The following GRIA2 variants were observed in gnomAD, a reference collection of about 807,000 sequenced individuals.
The protein encoded by GRIA2 is glutamate receptor 2.
A neutral mutation model predicts 97.3 loss-of-function variants in GRIA2; 14 were observed. That is an observed-to-expected ratio of 0.14 (90% CI 0.10 to 0.23). GRIA2 has a LOEUF of 0.23. Among genes scored for constraint, GRIA2 ranks in the 10% least tolerant of loss-of-function variants. The probability of loss-of-function intolerance (pLI) is 1.00; values close to 1 mark genes in which losing one functional copy is unlikely to be tolerated. For synonymous variants in GRIA2, 412 were observed against 387.8 expected, an observed-to-expected ratio of 1.06 and a Z score of -0.73; for missense variants, 558 against 1,069.8, an observed-to-expected ratio of 0.52 and a Z score of 6.67.
chr4:157,234,443 G>T (rs955049836), intron 2 of GRIA2, among the ~76,000 whole-genome samples: 2 of 151,928 alleles, frequency 1.3e-5, no homozygotes, highest in Non-Finnish European at 2.9e-5. Context: ...CAAGAATTTT[G>T]ATGTGTTCTT....
intron 2 of GRIA2, among the ~76,000 whole-genome samples, chr4:157,285,699 T>G (rs1732809676): frequency 6.6e-6 from 1 of 151,516 alleles, no homozygotes. Flanking sequence ...TATATGTGGA[T>G]TGGCTTCTAC....
chr4:157,362,195 C>T (rs2127003068), intron 14 of GRIA2, among the ~76,000 whole-genome samples: 1 of 152,204 alleles, frequency 6.6e-6, no homozygotes, highest in Admixed American at 6.5e-5. Flanking sequence ...CACTGCAATT[C>T]TAAACATGTC....
chr4:157,355,544 A>G (rs974822218), intron 12 of GRIA2, among the ~76,000 whole-genome samples: 2 of 143,740 alleles, frequency 1.4e-5, no homozygotes, highest in African/African-American at 2.6e-5. Context: ...AAAAAAATAC[A>G]CAGTCTTCCT....
chr4:157,317,549 A>G, intron 4 of GRIA2, 109 bp from the exon 5 acceptor site: 1 of 477,210 alleles, frequency 2.1e-6, no homozygotes, highest in South Asian at 4.0e-5. Flanking sequence ...ACATCAACAA[A>G]CCTAGCAGAT....
intron 2 of GRIA2, among the ~76,000 whole-genome samples, chr4:157,281,390 G>A (rs10517666): frequency 0.086 from 13,035 of 152,040 alleles, 1,840 homozygotes; most frequent in African/African-American, 0.3. Flanking sequence ...TCAGTGAGTA[G>A]CTTTCTCAGC....
intron 3 of GRIA2, among the ~76,000 whole-genome samples, chr4:157,307,944 A>T (rs1733913623): frequency 6.6e-6 from 1 of 152,384 alleles, no homozygotes; most frequent in Non-Finnish European, 1.5e-5. Flanking sequence ...AATTTGGCCT[A>T]GGCATGCTGC....
intron 2 of GRIA2, among the ~76,000 whole-genome samples, chr4:157,236,876 T>A (rs1730275088): frequency 6.6e-6 from 1 of 152,298 alleles, no homozygotes; most frequent in East Asian, 1.9e-4. Flanking sequence ...ATTTGATACA[T>A]ACATTAAAGT....
At chr4:157,334,206 A>C in intron 9 of GRIA2, 86 bp downstream of exon 9, 1 of 737,730 alleles carries the variant, frequency 1.4e-6, no homozygotes, top group South Asian at 1.5e-5. Flanking sequence ...TTAGGAGAAT[A>C]ATATCTGTTT....
At chr4:157,270,605 T>A (rs768017636) in intron 2 of GRIA2, among the ~76,000 whole-genome samples, 1 of 152,078 alleles carries the variant, frequency 6.6e-6, no homozygotes, top group Non-Finnish European at 1.5e-5. Context: ...GATGGAAAAG[T>A]GAAATATACA....
chr4:157,327,526 A>T (rs759686767), intron 6 of GRIA2, among the ~76,000 whole-genome samples: 8 of 152,164 alleles, frequency 5.3e-5, no homozygotes, highest in Non-Finnish European at 7.4e-5. Flanking sequence ...AAGAGTATAA[A>T]GATATTTCCC....
At chr4:157,282,971 A>G (rs1014360932) in intron 2 of GRIA2, among the ~76,000 whole-genome samples, 4 of 152,176 alleles carry the variant, frequency 2.6e-5, no homozygotes, top group African/African-American at 2.4e-5. Context: ...ACAACCTCAA[A>G]TATATGTCAG....
At chr4:157,286,635 T>C (rs867232749) in intron 2 of GRIA2, among the ~76,000 whole-genome samples, 1 of 140,150 alleles carries the variant, frequency 7.1e-6, no homozygotes, top group Non-Finnish European at 1.6e-5. Flanking sequence ...TAATTTTCTA[T>C]GTGTAATTTA....
intron 2 of GRIA2, among the ~76,000 whole-genome samples, chr4:157,237,930 C>T (rs377418047): frequency 1.2e-4 from 19 of 152,010 alleles, no homozygotes; most frequent in African/African-American, 3.9e-4. Context: ...TAATGGGTTA[C>T]GATTATGTCT....
intron 2 of GRIA2, among the ~76,000 whole-genome samples, chr4:157,225,572 A>G (rs1729705784): frequency 6.6e-6 from 1 of 151,766 alleles, no homozygotes; most frequent in Non-Finnish European, 1.5e-5. Context: ...ATGTTTAGTG[A>G]GTGCCTTCAA....
chr4:157,286,885 C>T (rs989367771), intron 2 of GRIA2, among the ~76,000 whole-genome samples: 1 of 151,552 alleles, frequency 6.6e-6, no homozygotes, highest in Non-Finnish European at 1.5e-5. Context: ...TATTTGATTA[C>T]TCTCACATTC....
intron 2 of GRIA2, among the ~76,000 whole-genome samples, chr4:157,244,763 T>C (rs1411175411): frequency 1.3e-5 from 2 of 152,140 alleles, no homozygotes; most frequent in East Asian, 3.9e-4. Context: ...TACCTCTTCA[T>C]TGTGAATGAT....
At chr4:157,295,317 T>A (rs1733294744) in intron 2 of GRIA2, among the ~76,000 whole-genome samples, 1 of 152,092 alleles carries the variant, frequency 6.6e-6, no homozygotes, top group Admixed American at 6.6e-5. Context: ...AGTATTTCTG[T>A]GAAACATTAG....
intron 2 of GRIA2, among the ~76,000 whole-genome samples, chr4:157,235,224 A>G (rs188611150): frequency 5.5e-4 from 84 of 152,240 alleles, no homozygotes; most frequent in African/African-American, 1.9e-3. Context: ...CCAAAAACCT[A>G]TCACAAGATT....
intron 12 of GRIA2, among the ~76,000 whole-genome samples, chr4:157,355,600 A>ATT (rs1254288116): frequency 2.2e-4 from 23 of 102,600 alleles, no homozygotes; most frequent in African/African-American, 9.3e-4. Flanking sequence ...ATTTATATAT[A>ATT]TATTTATATA....
Sources: allele counts gnomAD v4.1 joint callset (sites outside exome capture counted in the v4.1 genomes callset), GRCh38; gene constraint gnomAD v4.1.1; transcripts MANE v1.5; gene names NCBI Gene and HGNC (gene_info 2026-07-23, HGNC 2026-07-21).